The following CNTROB variants were observed in gnomAD, a reference collection of about 807,000 sequenced individuals.
CNTROB encodes the protein centrobin.
CNTROB carries 82 observed loss-of-function variants against 115.7 expected under a neutral mutation model. The ratio of observed to expected loss-of-function variants is 0.71; its 90% confidence interval spans 0.59 to 0.85. CNTROB has a LOEUF of 0.85. Among genes scored for constraint, CNTROB ranks in the 40% least tolerant of loss-of-function variants. CNTROB has a pLI of 0.00. For synonymous variants in CNTROB, 439 were observed against 456.4 expected (o/e 0.96, Z 0.49); for missense variants, 1,014 against 1,144.4 (o/e 0.89, Z 1.64).
At chr17:7,934,942 T>A in intron 3 of CNTROB, 47 bp from the exon 4 acceptor site, 10 of 1,525,712 alleles carry the variant, frequency 6.6e-6, no homozygotes, top group Non-Finnish European at 8.8e-6. Flanking sequence ...GACAAGTGGA[T>A]TCCAAAAGCT....
rs569978954 is a variant in CNTROB at position 7,944,678 on chromosome 17, C to T, written c.1734+40C>T. On this transcript the variant is annotated intron_variant, in intron 12 of 18. Coordinates refer to ENST00000563694, the MANE Select transcript of CNTROB (RefSeq NM_053051.5). This position sits in a 1 kb window ranked among gnomAD's most constrained non-coding sequence, Gnocchi z 4.0. The stretch of plus-strand genomic sequence containing the variant: ...TTGAGCTAAGCTTCTCCGTTATGTT[C>T]TATTTTTATTTTTATTTTTGAGACA... 24 of 1,565,168 alleles carry T rather than the reference C, an allele frequency of 1.5e-5. No individual in the cohort carries two copies. Among genetic ancestry groups the T allele is most frequent in the Non-Finnish European group, 1.8e-5 (21 of 1,154,122 alleles).
At position 7,944,490 on chromosome 17, in the gene CNTROB, A is replaced by G. The variant is rs1231187814; in HGVS notation, c.1586A>G (p.Gln529Arg). Residue 529 changes from glutamine (Q) to arginine (R), a missense_variant, in exon 12 of 19, where the codon CAA (glutamine) becomes CGA (arginine). Coordinates refer to ENST00000563694, the MANE Select transcript of CNTROB (RefSeq NM_053051.5). This position sits in a 1 kb window ranked among gnomAD's most constrained non-coding sequence, Gnocchi z 4.0. Reference sequence around the variant, plus strand: ...CTTTGCTTCAGACTGGCCCGGGAGCAAGCGCGAGTGTGCGAACTGCAGAGT... The same window carrying G: ...CTTTGCTTCAGACTGGCCCGGGAGCGAGCGCGAGTGTGCGAACTGCAGAGT... Reference protein sequence around the residue: ...EDYELRLAREQARVCELQSGN... With the variant: ...EDYELRLARERARVCELQSGN... 6.2e-7 allele frequency: 1 copy of G among 1,614,028 alleles called. No homozygotes were observed. The highest frequency in any genetic ancestry group is 8.5e-7 in the Non-Finnish European group (1 of 1,179,948).
chr17:7,948,327 G>A lies in CNTROB; in HGVS notation c.2380G>A (p.Gly794Ser). 3.7e-6 allele frequency: 6 copies of A among 1,614,136 alleles called. No individual in the cohort carries two copies. Among genetic ancestry groups the A allele is most frequent in the Middle Eastern group, 3.3e-4 (2 of 6,062 alleles). Residue 794 changes from glycine (G) to serine (S), a missense_variant and splice_region_variant, in exon 16 of 19, where the codon GGT becomes AGT. Transcript: ENST00000563694. This position sits in a 1 kb window ranked among gnomAD's most constrained non-coding sequence, Gnocchi z 4.4. Reference sequence around the variant, plus strand: ...TCCCAGCAGTGGTTCCCCAGAGAGAGGTGAGCATGTTCTGGTTTATTAGGG... The same window carrying A: ...TCCCAGCAGTGGTTCCCCAGAGAGAAGTGAGCATGTTCTGGTTTATTAGGG... ...SGPSSGSPER[G>S]GDGLTFPRQL...
rs1974858186 is a variant in CNTROB, at chr17:7,948,697, A to G, written c.2513+78A>G. 14 of 1,613,760 alleles carry G rather than the reference A, an allele frequency of 8.7e-6. No individual in the cohort carries two copies. The highest frequency in any genetic ancestry group is 1.3e-5 in the African/African-American group (1 of 74,888). On this transcript the variant is annotated intron_variant, in intron 17 of 18. Transcript: ENST00000563694. The surrounding 1 kb of genome is among the most constrained non-coding windows in gnomAD (Gnocchi z 4.4). ...GGGGAGTGGAGTGGGTGTGTTTTACACTGAATTGAATCGTTGTCCTTTTCT... is the reference window on the plus strand; with the variant it reads ...GGGGAGTGGAGTGGGTGTGTTTTACGCTGAATTGAATCGTTGTCCTTTTCT...
rs756596016 is a variant in CNTROB, at chr17:7,948,723, G to A, written c.2513+104G>A. On this transcript the variant is annotated intron_variant, in intron 17 of 18. Transcript: ENST00000563694. This position sits in a 1 kb window ranked among gnomAD's most constrained non-coding sequence, Gnocchi z 4.4. ...CTGAATTGAATCGTTGTCCTTTTCT[G>A]GGGAGGAAAGTGAAGGATGAGAGGT... 6.8e-6 allele frequency: 11 copies of A among 1,609,440 alleles called. No individual in the cohort carries two copies. Among genetic ancestry groups the A allele is most frequent in the South Asian group, 5.5e-5 (5 of 90,910 alleles).
chr17:7,942,239 G>A lies in CNTROB; in HGVS notation c.1312-1152G>A, dbSNP rs572647818. Among the ~76,000 whole-genome samples the A allele has an allele frequency of 3.3e-5, 5 of 152,150 alleles. No homozygotes were observed. In the East Asian group the frequency reaches 9.7e-4, roughly 29 times the overall value. ...CCATGATCACACCACTGCACTTTAGGCTAAGCAACAGAACAAGACTCTGTC... is the reference window on the plus strand; with the variant it reads ...CCATGATCACACCACTGCACTTTAGACTAAGCAACAGAACAAGACTCTGTC... On this transcript the variant is annotated intron_variant, in intron 9 of 18. Transcript: ENST00000563694.
rs1351995978 is a variant in CNTROB, at chr17:7,948,525, G to A, written c.2419G>A (p.Val807Met). 1 of 1,614,090 alleles carries A rather than the reference G, an allele frequency of 6.2e-7. No homozygotes were observed. Among genetic ancestry groups the A allele is most frequent in the Non-Finnish European group, 8.5e-7 (1 of 1,180,004 alleles). ...TACATTCCCAAGGCAGCTGATGGAG[G>A]TGTCTCAACTGTTGCGACTCTACCA... ...GLTFPRQLME[V>M]SQLLRLYQAR... Residue 807 changes from valine to methionine, a missense_variant, in exon 17 of 19, where the codon GTG becomes ATG. Physicochemically the swap from Val to Met is conservative, Grantham distance 21 (BLOSUM62 1). Transcript: ENST00000563694. This position sits in a 1 kb window ranked among gnomAD's most constrained non-coding sequence, Gnocchi z 4.4.
intron 13 of CNTROB, 67 bp from the exon 14 acceptor site, chr17:7,947,504 G>A: frequency 2.1e-6 from 3 of 1,449,378 alleles, no homozygotes; most frequent in Non-Finnish European, 2.8e-6. Context: ...TAGGTGAGTT[G>A]ATTTGTGGAG....
At position 7,934,197 on chromosome 17, in the gene CNTROB, C is replaced by T. The variant is rs942042516; in HGVS notation, c.330C>T (p.Leu110=). 1.2e-6 allele frequency: 2 copies of T among 1,614,138 alleles called. No homozygotes were observed. The highest frequency in any genetic ancestry group is 1.7e-6 in the Non-Finnish European group (2 of 1,180,002). ...ESVRGQLQTM[L]QTSRDTAYRD... ...TTCGGGGTCAGCTCCAGACCATGCT[C>T]CAAACCTCACGTGATACAGCCTATC... The change falls in exon 2 of 19, where the codon CTC becomes CTT. Residue 110 remains leucine, a synonymous_variant. Coordinates refer to ENST00000563694, the MANE Select transcript of CNTROB (RefSeq NM_053051.5).
At chr17:7,947,529 C>T (rs1455531925) in intron 13 of CNTROB, 42 bp from the exon 14 acceptor site, 1 of 1,537,300 alleles carries the variant, frequency 6.5e-7, no homozygotes. Flanking sequence ...CCCTTCCCCC[C>T]TGAACACACT....
chr17:7,944,580 C>A lies in CNTROB; in HGVS notation c.1676C>A (p.Ala559Asp). ...LVERLQAMLQ[A>D]HWDEANQLLS... ...GAAAGACTGCAGGCCATGCTGCAGG[C>A]CCACTGGGATGAGGCCAACCAGCTG... The change falls in exon 12 of 19, where the codon GCC becomes GAC. Residue 559 changes from alanine to aspartate, a missense_variant. Physicochemically the swap from Ala to Asp is moderately radical, Grantham distance 126 (BLOSUM62 -2). Coordinates refer to ENST00000563694, the MANE Select transcript of CNTROB (RefSeq NM_053051.5). This position sits in a 1 kb window ranked among gnomAD's most constrained non-coding sequence, Gnocchi z 4.0. The A allele has an allele frequency of 6.2e-7, 1 of 1,614,146 alleles. No homozygotes were observed. Among genetic ancestry groups the A allele is most frequent in the South Asian group, 1.1e-5 (1 of 91,084 alleles).
Position 7,935,135 on chromosome 17 carries a change from C to A in CNTROB, c.584C>A (p.Thr195Asn), listed in dbSNP as rs147273177. ...AGAGATGCATTGGATTCAGAGCATA[C>A]CCGCCGCAAGGTAAGATGCAAACGC... ...GLRDALDSEH[T>N]RRKHCERHIQ... The change falls in exon 4 of 19, where the codon ACC (threonine) becomes AAC (asparagine). Residue 195 changes from threonine to asparagine, a missense_variant. Thr to Asn is a moderately conservative substitution (Grantham distance 65). Transcript: ENST00000563694. 2 of 1,614,116 alleles carry A rather than the reference C, an allele frequency of 1.2e-6. No homozygotes were observed.
chr17:7,947,176 A>G (rs35195686), intron 13 of CNTROB, among the ~76,000 whole-genome samples: 70,171 of 148,622 alleles, frequency 0.47, 17,113 homozygotes, highest in East Asian at 0.76. Flanking sequence ...AAAAAAAAAA[A>G]AGAGAGATTA....
chr17:7,943,694 G>A lies in CNTROB; in HGVS notation c.1445+170G>A, dbSNP rs375371740. On this transcript the variant is annotated intron_variant, in intron 10 of 18. Transcript: ENST00000563694. This position sits in a 1 kb window ranked among gnomAD's most constrained non-coding sequence, Gnocchi z 4.7. Reference sequence around the variant, plus strand: ...TCTCTCGGGAGGGCTGCCTTCACGCGTTCATGGAGAGCCAGAAGTGCCTGG... The same window carrying A: ...TCTCTCGGGAGGGCTGCCTTCACGCATTCATGGAGAGCCAGAAGTGCCTGG... 14 of 679,714 alleles carry A rather than the reference G, an allele frequency of 2.1e-5. No homozygotes were observed. Among genetic ancestry groups the A allele is most frequent in the Non-Finnish European group, 2.9e-5 (12 of 419,952 alleles). The allele number at this position is 679,714 out of a possible 1,614,324, so 42.1% of individuals were successfully genotyped here. A position where few individuals can be genotyped will look rare whatever the true frequency, so the allele number is the denominator to read the frequency against.
upstream of CNTROB, chr17:7,932,118 C>A (rs1050943800): frequency 8.1e-6 from 4 of 495,498 alleles, no homozygotes; most frequent in South Asian, 4.6e-5. Flanking sequence ...CGCGGCCAGG[C>A]GCTCGGGATA....
At position 7,945,830 on chromosome 17, in the gene CNTROB, T is replaced by C. The variant is rs1974473709; in HGVS notation, c.1837T>C (p.Leu613=). 2.5e-6 allele frequency: 4 copies of C among 1,614,204 alleles called. No individual in the cohort carries two copies. Among genetic ancestry groups the C allele is most frequent in the Non-Finnish European group, 3.4e-6 (4 of 1,180,038 alleles). Residue 613 remains leucine, a synonymous_variant, in exon 13 of 19, where the codon TTG becomes CTG. Transcript: ENST00000563694. ...CATGGCCGTGGCCCTGAAGCCTGTA[T>C]TGCAGCAGAGCCGGGAAGCAAGGGA... is the stretch of plus-strand genomic sequence containing the variant. ...PPMAVALKPV[L]QQSREARDEL... is the part of the protein sequence containing the mutation.
chr17:7,945,582 C>A, intron 12 of CNTROB, 146 bp from the exon 13 acceptor site: 1 of 846,830 alleles, frequency 1.2e-6, no homozygotes, highest in Non-Finnish European at 1.8e-6. Flanking sequence ...AACTGCCAGC[C>A]TCAAACGGTC....
intron 4 of CNTROB, chr17:7,935,715 T>C (rs1210444709): frequency 6.1e-6 from 1 of 164,082 alleles, no homozygotes; most frequent in Non-Finnish European, 1.3e-5. Flanking sequence ...AGGGTCCGTA[T>C]CTTGTTTGTC....
chr17:7,948,807 G>C lies in CNTROB; in HGVS notation c.2513+188G>C. 5 of 1,480,950 alleles carry C rather than the reference G, an allele frequency of 3.4e-6. No individual in the cohort carries two copies. The South Asian group carries it at 7.0e-5, about 21-fold the overall frequency. 91.7% of individuals were successfully genotyped at this position (1,480,950 alleles called of 1,614,324 possible). A position where few individuals can be genotyped will look rare whatever the true frequency, so the allele number is the denominator to read the frequency against. On this transcript the variant is annotated intron_variant, in intron 17 of 18. Coordinates refer to ENST00000563694, the MANE Select transcript of CNTROB (RefSeq NM_053051.5). This position sits in a 1 kb window ranked among gnomAD's most constrained non-coding sequence, Gnocchi z 4.4. Reference sequence around the variant, plus strand: ...TTTCTTTTATCTCCTCCTTTCTATTGCTTTTTTCTTCTAAACAAAAAAATC... The same window carrying C: ...TTTCTTTTATCTCCTCCTTTCTATTCCTTTTTTCTTCTAAACAAAAAAATC...
Sources: gnomAD v4.1 joint callset for allele counts (sites outside exome capture counted in the v4.1 genomes callset) on GRCh38, gnomAD v4.1.1 for gene constraint, Gnocchi (gnomAD v3.1) non-coding constraint, MANE v1.5 for transcripts, NCBI Gene and HGNC (gene_info 2026-07-23, HGNC 2026-07-21) for gene names.